Variants in MECOM observed in about 807,000 individuals in gnomAD.
MECOM encodes MDS1 and EVI1 complex locus, also known as histone-lysine N-methyltransferase MECOM.
MECOM carries 13 observed loss-of-function variants against 116.3 expected under a neutral mutation model. That is an observed-to-expected ratio of 0.11 (90% confidence interval 0.07 to 0.18). The LOEUF (loss-of-function observed/expected upper bound fraction) is 0.18, where lower values mean the gene tolerates loss of function less well. Among genes scored for constraint, MECOM ranks in the 10% least tolerant of loss-of-function variants. The probability of loss-of-function intolerance (pLI) is 1.00; values close to 1 mark genes in which losing one functional copy is unlikely to be tolerated. For synonymous variants in MECOM, 528 were observed against 535.2 expected (o/e 0.99, Z 0.19); for missense variants, 1,299 against 1,509.0 (o/e 0.86, Z 2.31).
chr3:169,255,765 C>G (rs1336862739), intron 2 of MECOM, among the ~76,000 whole-genome samples: 1 of 152,100 alleles, frequency 6.6e-6, no homozygotes, highest in South Asian at 2.1e-4. Flanking sequence ...CTGAAGACAT[C>G]CAGCTGGAAA....
intron 1 of MECOM, among the ~76,000 whole-genome samples, chr3:169,532,805 G>A (rs573464840): frequency 3.9e-5 from 6 of 152,058 alleles, no homozygotes; most frequent in Non-Finnish European, 7.4e-5. Context: ...TCCTTCAGGA[G>A]TGCAATTAGG....
At chr3:169,210,542 G>T (rs1034938765) in intron 2 of MECOM, among the ~76,000 whole-genome samples, 51 of 152,062 alleles carry the variant, frequency 3.4e-4, no homozygotes, top group African/African-American at 1.2e-3. Context: ...TCAAGATCTT[G>T]CAAATGTGAT....
At chr3:169,162,257 A>G (rs891055756) in intron 2 of MECOM, among the ~76,000 whole-genome samples, 3 of 152,296 alleles carry the variant, frequency 2.0e-5, no homozygotes, top group African/African-American at 7.2e-5. Context: ...TTACCAAACC[A>G]AACATGCTGC....
chr3:169,534,814 GTGGGATGTGCTGGGATGAGC>G (rs1392955366), intron 1 of MECOM, among the ~76,000 whole-genome samples: 1 of 152,194 alleles, frequency 6.6e-6, no homozygotes, highest in Non-Finnish European at 1.5e-5. Context: ...ACTTGTACAA[GTGGGATGTGCTGGGATGAGC>G]TGGGATGTGA....
At chr3:169,391,120 T>C (rs576509330) in intron 1 of MECOM, among the ~76,000 whole-genome samples, 1 of 151,976 alleles carries the variant, frequency 6.6e-6, no homozygotes, top group Admixed American at 6.6e-5. Flanking sequence ...GAAGAGGGAG[T>C]TGTAGCAATG....
At chr3:169,574,138 T>C (rs1479642386) in intron 1 of MECOM, among the ~76,000 whole-genome samples, 2 of 152,196 alleles carry the variant, frequency 1.3e-5, no homozygotes, top group Non-Finnish European at 2.9e-5. Flanking sequence ...GAGGGCTACC[T>C]GAAAAGCCTT....
At chr3:169,336,985 G>A (rs186634507) in intron 2 of MECOM, among the ~76,000 whole-genome samples, 1 of 152,180 alleles carries the variant, frequency 6.6e-6, no homozygotes, top group East Asian at 1.9e-4. Flanking sequence ...CAAGTGACTA[G>A]AATAACTATT....
chr3:169,439,773 T>G (rs943284512), intron 1 of MECOM, among the ~76,000 whole-genome samples: 1 of 152,148 alleles, frequency 6.6e-6, no homozygotes, highest in Non-Finnish European at 1.5e-5. Context: ...CCACATTCCT[T>G]ATATGAAAAA....
intron 1 of MECOM, among the ~76,000 whole-genome samples, chr3:169,506,150 C>T (rs1755193663): frequency 6.6e-6 from 1 of 152,154 alleles, no homozygotes; most frequent in Non-Finnish European, 1.5e-5. Flanking sequence ...CGTTGCAGGC[C>T]GATAAGCAAT....
chr3:169,117,737 C>T (rs1179534454), intron 7 of MECOM, among the ~76,000 whole-genome samples: 2 of 152,178 alleles, frequency 1.3e-5, no homozygotes, highest in African/African-American at 2.4e-5. Flanking sequence ...TAGAATCTTC[C>T]TCCTCACACA....
chr3:169,378,412 A>AGAAAG (rs1460682587), intron 2 of MECOM, among the ~76,000 whole-genome samples: 3 of 61,938 alleles, frequency 4.8e-5, no homozygotes, highest in Non-Finnish European at 8.2e-5. Context: ...AAAGAAAGAA[A>AGAAAG]GAAAGAAAGA....
chr3:169,427,922 T>C (rs1740987309), intron 1 of MECOM, among the ~76,000 whole-genome samples: 1 of 152,122 alleles, frequency 6.6e-6, no homozygotes, highest in Admixed American at 6.6e-5. Flanking sequence ...GTCTTTAAAG[T>C]GATAATTAAG....
chr3:169,643,176 GA>G (rs1316002883), intron 1 of MECOM, among the ~76,000 whole-genome samples: 1 of 152,176 alleles, frequency 6.6e-6, no homozygotes, highest in Non-Finnish European at 1.5e-5. Context: ...AAGCAAACCA[GA>G]TTGTCATTTT....
At chr3:169,191,771 AAAGAAAG>A in intron 2 of MECOM, among the ~76,000 whole-genome samples, 2 of 133,722 alleles carry the variant, frequency 1.5e-5, no homozygotes, top group Non-Finnish European at 3.2e-5. Context: ...AGAAAGAAAG[AAAGAAAG>A]AAAGAAAGAA....
chr3:169,399,801 C>A (rs559163288), intron 1 of MECOM, among the ~76,000 whole-genome samples: 19 of 152,196 alleles, frequency 1.2e-4, no homozygotes, highest in African/African-American at 4.6e-4. Flanking sequence ...TACAGTTTTT[C>A]TTCCTTTAAG....
At chr3:169,279,566 C>G (rs898628862) in intron 2 of MECOM, among the ~76,000 whole-genome samples, 6 of 152,158 alleles carry the variant, frequency 3.9e-5, no homozygotes, top group Admixed American at 3.3e-4. Flanking sequence ...AATAGAAAAG[C>G]TAGAGAATTT....
At chr3:169,442,779 C>T (rs1383641696) in intron 1 of MECOM, among the ~76,000 whole-genome samples, 2 of 152,200 alleles carry the variant, frequency 1.3e-5, no homozygotes, top group Non-Finnish European at 2.9e-5. Flanking sequence ...TGCCCCATAA[C>T]TTTGGAAACA....
At chr3:169,164,061 A>T (rs1019861089) in intron 2 of MECOM, among the ~76,000 whole-genome samples, 2 of 152,094 alleles carry the variant, frequency 1.3e-5, no homozygotes, top group Admixed American at 6.6e-5. Flanking sequence ...CTATTTTTTC[A>T]ATTAGCTTCT....
intron 1 of MECOM, among the ~76,000 whole-genome samples, chr3:169,642,421 CGGGCA>C (rs1773608961): frequency 2.1e-5 from 3 of 144,722 alleles, no homozygotes. Flanking sequence ...CCCTCCAGCC[CGGGCA>C]ACAGAGCGAG....
Sources: allele counts gnomAD v4.1 joint callset (sites outside exome capture counted in the v4.1 genomes callset), GRCh38; gene constraint gnomAD v4.1.1; transcripts MANE v1.5; gene names NCBI Gene and HGNC (gene_info 2026-07-23, HGNC 2026-07-21).